PHF21A: variants seen among roughly 807,000 people sequenced by gnomAD.
The protein encoded by PHF21A is PHD finger protein 21A.
A neutral mutation model predicts 82.5 loss-of-function variants in PHF21A; 11 were observed. The observed-to-expected ratio is 0.13, with a 90% CI of 0.08 to 0.22. The LOEUF is 0.22. Among genes scored for constraint, PHF21A ranks in the 10% least tolerant of loss-of-function variants. The pLI, the probability that PHF21A is intolerant of heterozygous loss-of-function variation, is 1.00. For missense variants in PHF21A, 579 were observed against 837.8 expected, an observed-to-expected ratio of 0.69 and a Z score of 3.81; for synonymous variants, 297 against 302.8, an observed-to-expected ratio of 0.98 and a Z score of 0.20.
In PHF21A at chr11:45,965,217, T is replaced by C. The variant is rs139871532; in HGVS notation, c.996+98A>G. ...CAGCTTACTGACAATGGTGGTGAGA[T>C]GAAGAGCCCTTGAGAAAATGTATTT... On this transcript the variant is annotated intron_variant, in intron 10 of 18. Transcript: ENST00000676320. 4.9e-4 allele frequency: 479 copies of C among 978,736 alleles called. 5 individuals carry two copies. In the African/African-American group the frequency reaches 5.8e-3, roughly 12 times the overall value. 60.6% of individuals were successfully genotyped at this position (978,736 alleles called of 1,614,324 possible). A position where few individuals can be genotyped will look rare whatever the true frequency, so the allele number is the denominator to read the frequency against.
intron 15 of PHF21A, among the ~76,000 whole-genome samples, chr11:45,943,120 CCTTT>C (rs2090672928): frequency 1.5e-5 from 1 of 65,020 alleles, no homozygotes; most frequent in African/African-American, 4.5e-5. Context: ...ATCTTTCTTT[CCTTT>C]TTTTTTTTTT....
At chr11:45,977,603 G>A (rs2136230892) in intron 7 of PHF21A, among the ~76,000 whole-genome samples, 1 of 152,274 alleles carries the variant, frequency 6.6e-6, no homozygotes, top group African/African-American at 2.4e-5. Flanking sequence ...ACCCAATTCT[G>A]TTTAAAACTT....
At chr11:45,988,264 A>G (rs987898749) in intron 6 of PHF21A, among the ~76,000 whole-genome samples, 1 of 152,238 alleles carries the variant, frequency 6.6e-6, no homozygotes, top group Non-Finnish European at 1.5e-5. Context: ...ACATCCACTA[A>G]GAAATAGATC....
intron 2 of PHF21A, among the ~76,000 whole-genome samples, chr11:46,091,669 C>A (rs1308751289): frequency 6.6e-6 from 1 of 152,142 alleles, no homozygotes; most frequent in South Asian, 2.1e-4. Flanking sequence ...TATACTAAGG[C>A]CATCAAATAG....
intron 6 of PHF21A, among the ~76,000 whole-genome samples, chr11:46,035,446 T>C (rs1410450969): frequency 1.3e-5 from 2 of 152,230 alleles, no homozygotes; most frequent in African/African-American, 4.8e-5. Flanking sequence ...ATTCACTTAA[T>C]GTACATATTC....
intron 4 of PHF21A, 134 bp downstream of exon 4, chr11:46,084,032 G>A (rs1347796856): frequency 3.5e-6 from 2 of 571,692 alleles, no homozygotes; most frequent in Middle Eastern, 6.7e-4. Context: ...GTGGTAAAAG[G>A]CAAACGACAT....
intron 6 of PHF21A, among the ~76,000 whole-genome samples, chr11:46,006,333 C>T (rs763442151): frequency 6.6e-6 from 1 of 152,156 alleles, no homozygotes; most frequent in South Asian, 2.1e-4. Flanking sequence ...CTTAATCTTT[C>T]GGTTGTATAT....
At chr11:46,044,571 GAT>G (rs2096224473) in intron 6 of PHF21A, among the ~76,000 whole-genome samples, 2 of 152,136 alleles carry the variant, frequency 1.3e-5, no homozygotes, top group Non-Finnish European at 2.9e-5. Flanking sequence ...GGGCAACCCA[GAT>G]TAGGAAGCAA....
intron 6 of PHF21A, among the ~76,000 whole-genome samples, chr11:46,066,984 C>G (rs948979084): frequency 1.3e-5 from 2 of 152,108 alleles, no homozygotes; most frequent in African/African-American, 4.8e-5. Flanking sequence ...ACTTTCTATT[C>G]ATCTTTCCAT....
chr11:45,988,039 A>C (rs1194875002), intron 6 of PHF21A, among the ~76,000 whole-genome samples: 1 of 152,186 alleles, frequency 6.6e-6, no homozygotes, highest in Non-Finnish European at 1.5e-5. Flanking sequence ...TACAGTGATG[A>C]TGCTAAATTG....
chr11:45,935,179 T>C (rs1565135424), intron 18 of PHF21A: 2 of 1,290,004 alleles, frequency 1.6e-6, no homozygotes, highest in Non-Finnish European at 2.0e-6. Context: ...AACCGGGAAA[T>C]GCAATCAGCA....
rs1413973926 is a variant in PHF21A, at chr11:45,936,479, T to C, written c.1684+15A>G. 6.5e-7 allele frequency: 1 copy of C among 1,538,232 alleles called. No individual in the cohort carries two copies. Among genetic ancestry groups the C allele is most frequent in the Admixed American group, 1.8e-5 (1 of 56,568 alleles). On this transcript the variant is annotated intron_variant, in intron 17 of 18. Coordinates refer to ENST00000676320, the MANE Select transcript of PHF21A (RefSeq NM_001352027.3). The stretch of plus-strand genomic sequence containing the variant: ...GGGGAAGCTTACAAAAAAGTGGGTA[T>C]GGATAACTCCTTACCTGCTTTGTAG...
At chr11:46,066,011 A>T (rs953028538) in intron 6 of PHF21A, among the ~76,000 whole-genome samples, 8 of 152,256 alleles carry the variant, frequency 5.3e-5, no homozygotes, top group Non-Finnish European at 1.2e-4. Flanking sequence ...TAAAATTTCA[A>T]AAGACAGCTT....
chr11:46,042,453 C>T (rs1360254885), intron 6 of PHF21A, among the ~76,000 whole-genome samples: 1 of 152,048 alleles, frequency 6.6e-6, no homozygotes, highest in Non-Finnish European at 1.5e-5. Context: ...GCCAGGGACA[C>T]GTTATAAGAC....
chr11:46,072,063 C>T (rs984655570), intron 6 of PHF21A, among the ~76,000 whole-genome samples: 10 of 152,232 alleles, frequency 6.6e-5, no homozygotes, highest in Middle Eastern at 3.4e-3. Flanking sequence ...AAAACAAACA[C>T]GTTCCCTGAC....
intron 6 of PHF21A, among the ~76,000 whole-genome samples, chr11:45,993,179 G>A (rs994745711): frequency 3.3e-5 from 5 of 152,062 alleles, no homozygotes; most frequent in African/African-American, 1.2e-4. Context: ...ATAAACATAC[G>A]ACTATTTAAT....
intron 15 of PHF21A, among the ~76,000 whole-genome samples, chr11:45,939,111 C>T (rs187666557): frequency 2.5e-3 from 376 of 152,288 alleles, no homozygotes; most frequent in Non-Finnish European, 3.6e-3. Flanking sequence ...GGATTACAGG[C>T]GTGAGCCACT....
intron 4 of PHF21A, chr11:46,083,727 T>C (rs2096822473): frequency 6.6e-6 from 1 of 152,476 alleles, no homozygotes; most frequent in South Asian, 2.1e-4. Flanking sequence ...TTTAAACATC[T>C]GTGAAGATAA....
rs201119569 is a variant in PHF21A, at chr11:45,974,022, TA to T, written c.361-2656del. On this transcript the variant is annotated intron_variant, in intron 7 of 18. Transcript: ENST00000676320. Reference sequence around the variant, plus strand: ...TATACTTACCATTAACCCAACACTTTAAAAACACTGAAACCTAACAAGTTTG... The same window carrying T: ...TATACTTACCATTAACCCAACACTTTAAAACACTGAAACCTAACAAGTTTG... 6.5e-3 allele frequency among the ~76,000 whole-genome samples: 992 copies of T among 152,338 alleles called. 16 individuals carry two copies. Among genetic ancestry groups the T allele is most frequent in the African/African-American group, 0.023 (937 of 41,558 alleles).
Sources: allele counts gnomAD v4.1 joint callset (sites outside exome capture counted in the v4.1 genomes callset), GRCh38; gene constraint gnomAD v4.1.1; transcripts MANE v1.5; gene names NCBI Gene and HGNC (gene_info 2026-07-23, HGNC 2026-07-21).